CSMD1: variants seen among roughly 807,000 people sequenced by gnomAD.
CSMD1 encodes the protein CUB and sushi domain-containing protein 1.
CSMD1 carries 213 observed loss-of-function variants against 417.5 expected under a neutral mutation model. That is an observed-to-expected ratio of 0.51 (90% confidence interval 0.46 to 0.57). The LOEUF is 0.57. Among genes scored for constraint, CSMD1 ranks in the 20% least tolerant of loss-of-function variants. CSMD1 has a pLI of 0.00. For missense variants in CSMD1, 6,923 were observed against 4,529.7 expected, an observed-to-expected ratio of 1.53 and a Z score of -15.17; for synonymous variants, 2,862 against 1,736.8, an observed-to-expected ratio of 1.65 and a Z score of -16.11.
chr8:3,375,410 C>T (rs554739209), intron 18 of CSMD1, among the ~76,000 whole-genome samples: 37 of 152,068 alleles, frequency 2.4e-4, no homozygotes, highest in Non-Finnish European at 4.1e-4. Context: ...TTTTTTCCAT[C>T]ATTTTCTTGT....
intron 22 of CSMD1, among the ~76,000 whole-genome samples, chr8:3,346,404 G>A (rs906233183): frequency 6.6e-6 from 1 of 152,098 alleles, no homozygotes; most frequent in Admixed American, 6.5e-5. Flanking sequence ...TAAATTTGAG[G>A]TTATTAAAAA....
chr8:4,769,881 T>C lies in CSMD1; in HGVS notation c.86-132323A>G, dbSNP rs538587585. On this transcript the variant is annotated intron_variant, in intron 1 of 69. Transcript: ENST00000635120. ...TATATGCATCCCACCACTAACATCA[T>C]TTTTTCCTTTAATAAAAATCATGAA... Among the ~76,000 whole-genome samples, 625 of 152,290 alleles carry C rather than the reference T, an allele frequency of 4.1e-3. 7 individuals are homozygous for C. Among genetic ancestry groups the C allele is most frequent in the Middle Eastern group, 0.017 (5 of 294 alleles).
chr8:4,125,263 C>A (rs945438799), intron 3 of CSMD1, among the ~76,000 whole-genome samples: 6 of 152,204 alleles, frequency 3.9e-5, no homozygotes, highest in African/African-American at 1.2e-4. Flanking sequence ...TTCGAAGTCA[C>A]CCCTCTGCTC....
chr8:3,905,711 A>G lies in CSMD1; in HGVS notation c.818+92192T>C, dbSNP rs537161372. The stretch of plus-strand genomic sequence containing the variant: ...AACCACACTCAGTATCTCCTTATCC[A>G]CATCCAAGTCCACGCAGATAATAGA... On this transcript the variant is annotated intron_variant, in intron 5 of 69. Coordinates refer to ENST00000635120, the MANE Select transcript of CSMD1 (RefSeq NM_033225.6). Among the ~76,000 whole-genome samples, 3 of 152,296 alleles carry G rather than the reference A, an allele frequency of 2.0e-5. No homozygotes were observed. The East Asian group carries it at 5.8e-4, about 29-fold the overall frequency.
chr8:2,979,805 CTTGAGTTCTT>C (rs1563202047), intron 54 of CSMD1, among the ~76,000 whole-genome samples: 1 of 152,168 alleles, frequency 6.6e-6, no homozygotes, highest in Admixed American at 6.5e-5. Flanking sequence ...AGAAGAAAGT[CTTGAGTTCTT>C]TTGAATCAAA....
At position 2,955,590 on chromosome 8, in the gene CSMD1, T is replaced by G; in HGVS notation, c.9993A>C (p.Lys3331Asn). 6.2e-7 allele frequency: 1 copy of G among 1,613,320 alleles called. No homozygotes were observed. Among genetic ancestry groups the G allele is most frequent in the East Asian group, 2.2e-5 (1 of 44,854 alleles). Residue 3331 changes from lysine (K) to asparagine (N), a missense_variant and splice_region_variant, in exon 64 of 70, where the codon AAA becomes AAC. Lys to Asn is a moderately conservative substitution (Grantham distance 94). Transcript: ENST00000635120. ...MKWTGKSPVC[K>N]SKGVREVNET... ...GCCACTCCTTGATCAATGACTTACTTTTACACACAGGCGACTTTCCTGTCC... is the reference window on the plus strand; with the variant it reads ...GCCACTCCTTGATCAATGACTTACTGTTACACACAGGCGACTTTCCTGTCC...
chr8:4,701,377 C>A (rs1176268387), intron 1 of CSMD1, among the ~76,000 whole-genome samples: 2 of 151,554 alleles, frequency 1.3e-5, no homozygotes, highest in East Asian at 3.9e-4. Context: ...TTGCCAGGCA[C>A]CTAACAGAGC....
chr8:3,666,617 G>A (rs1438396102), intron 7 of CSMD1, among the ~76,000 whole-genome samples: 6 of 152,092 alleles, frequency 3.9e-5, no homozygotes, highest in Admixed American at 2.6e-4. Flanking sequence ...TGTTGTGAGA[G>A]GGACCCAGAG....
intron 3 of CSMD1, among the ~76,000 whole-genome samples, chr8:4,413,051 A>T (rs1341739145): frequency 2.0e-5 from 3 of 152,242 alleles, no homozygotes; most frequent in Non-Finnish European, 4.4e-5. Flanking sequence ...AAATAGACTT[A>T]CAAAATTACG....
At chr8:4,128,150 G>A (rs911797421) in intron 3 of CSMD1, among the ~76,000 whole-genome samples, 2 of 152,076 alleles carry the variant, frequency 1.3e-5, no homozygotes, top group South Asian at 2.1e-4. Flanking sequence ...CACCTCTGGA[G>A]AAAAGTTTGC....
intron 5 of CSMD1, among the ~76,000 whole-genome samples, chr8:3,774,089 T>C (rs2129060265): frequency 6.6e-6 from 1 of 152,326 alleles, no homozygotes; most frequent in East Asian, 1.9e-4. Context: ...ATGCAGCTTC[T>C]TGTCTAAATA....
At chr8:3,500,288 G>A (rs752971304) in intron 10 of CSMD1, among the ~76,000 whole-genome samples, 3 of 152,086 alleles carry the variant, frequency 2.0e-5, no homozygotes, top group Non-Finnish European at 4.4e-5. Flanking sequence ...AAAGTGCTGG[G>A]CACTCTAGCT....
At chr8:4,683,138 T>C (rs1383826160) in intron 1 of CSMD1, among the ~76,000 whole-genome samples, 5 of 151,754 alleles carry the variant, frequency 3.3e-5, no homozygotes, top group African/African-American at 1.2e-4. Context: ...TGAATTAGTA[T>C]GGTCAGTTCT....
chr8:4,706,239 T>C (rs1001306389), intron 1 of CSMD1, among the ~76,000 whole-genome samples: 1 of 151,962 alleles, frequency 6.6e-6, no homozygotes, highest in South Asian at 2.1e-4. Flanking sequence ...TGTTTGAAAG[T>C]CCCACAACAT....
intron 1 of CSMD1, among the ~76,000 whole-genome samples, chr8:4,822,389 G>A (rs1338318645): frequency 6.6e-6 from 1 of 152,002 alleles, no homozygotes; most frequent in African/African-American, 2.4e-5. Flanking sequence ...GACCTCAACT[G>A]GCCTAGTTTG....
intron 3 of CSMD1, among the ~76,000 whole-genome samples, chr8:4,237,542 T>TC (rs917067035): frequency 6.6e-6 from 1 of 151,866 alleles, no homozygotes; most frequent in Non-Finnish European, 1.5e-5. Flanking sequence ...TACTTTTTTT[T>TC]TTTTGTTTTT....
intron 5 of CSMD1, among the ~76,000 whole-genome samples, chr8:3,941,909 C>T (rs1005351865): frequency 6.6e-6 from 1 of 152,102 alleles, no homozygotes; most frequent in Non-Finnish European, 1.5e-5. Context: ...TTGGGCCATA[C>T]AGCAGGAGGT....
At chr8:3,079,813 T>G (rs920259013) in intron 49 of CSMD1, among the ~76,000 whole-genome samples, 1 of 152,118 alleles carries the variant, frequency 6.6e-6, no homozygotes, top group Non-Finnish European at 1.5e-5. Flanking sequence ...TGAGGCATTT[T>G]TTTTTTCTGG....
At chr8:4,017,934 G>C (rs1216861593) in intron 4 of CSMD1, among the ~76,000 whole-genome samples, 1 of 152,074 alleles carries the variant, frequency 6.6e-6, no homozygotes, top group Non-Finnish European at 1.5e-5. Context: ...TCATAAAGCT[G>C]GTTGCACACA....
Sources: gnomAD v4.1 joint callset for allele counts (sites outside exome capture counted in the v4.1 genomes callset) on GRCh38, gnomAD v4.1.1 for gene constraint, MANE v1.5 for transcripts, NCBI Gene and HGNC (gene_info 2026-07-23, HGNC 2026-07-21) for gene names.